PALLD: variants seen among roughly 807,000 people sequenced by gnomAD.
The protein encoded by PALLD is palladin, cytoskeletal associated protein.
Under a neutral mutation model 123.5 loss-of-function variants are expected in PALLD, and 61 were observed. The ratio of observed to expected loss-of-function variants is 0.49; its 90% CI spans 0.40 to 0.61. PALLD has a LOEUF of 0.61. PALLD is among the 20% of genes least tolerant of loss of function. The pLI is 0.00. For synonymous variants in PALLD, 465 were observed against 496.4 expected, an observed-to-expected ratio of 0.94 and a Z score of 0.84; for missense variants, 1,273 against 1,377.0, an observed-to-expected ratio of 0.92 and a Z score of 1.20.
intron 2 of PALLD, among the ~76,000 whole-genome samples, chr4:168,579,958 A>G (rs868348348): frequency 1.3e-5 from 2 of 152,146 alleles, no homozygotes; most frequent in Middle Eastern, 3.4e-3. Flanking sequence ...AATTATAATC[A>G]CCATATTGTC....
At chr4:168,652,925 T>G (rs888488884) in intron 2 of PALLD, among the ~76,000 whole-genome samples, 4 of 152,188 alleles carry the variant, frequency 2.6e-5, no homozygotes, top group African/African-American at 9.7e-5. Context: ...GTGCCATTCT[T>G]TAGTGTTCAG....
rs146335627 is a variant in PALLD, at chr4:168,847,582, G to A, written c.1965-43340G>A. The stretch of plus-strand genomic sequence containing the variant: ...CAAGATTTTATTGGTGTTTTGCCCT[G>A]TGGAGTGGAATTGTATGAGGATTGG... On this transcript the variant is annotated intron_variant, in intron 10 of 21. Coordinates refer to ENST00000505667, the MANE Select transcript of PALLD (RefSeq NM_001166108.2). Among the ~76,000 whole-genome samples, 48 of 152,354 alleles carry A rather than the reference G, an allele frequency of 3.2e-4. No individual in the cohort carries two copies. The East Asian group carries it at 8.3e-3, about 26-fold the overall frequency.
At chr4:168,520,700 A>T (rs6552875) in intron 2 of PALLD, among the ~76,000 whole-genome samples, 112,660 of 152,142 alleles carry the variant, frequency 0.74, 41,941 homozygotes, top group East Asian at 0.86. Context: ...TTGTTTAATG[A>T]CTTGAATATT....
At chr4:168,920,843 T>TAA (rs1761328799) in intron 17 of PALLD, among the ~76,000 whole-genome samples, 1 of 152,216 alleles carries the variant, frequency 6.6e-6, no homozygotes, top group Non-Finnish European at 1.5e-5. Context: ...TGAGAAGCTT[T>TAA]ACAGTACTAT....
intron 2 of PALLD, among the ~76,000 whole-genome samples, chr4:168,535,771 G>A (rs1361904769): frequency 1.3e-5 from 2 of 152,108 alleles, no homozygotes; most frequent in African/African-American, 4.8e-5. Flanking sequence ...CAAATAAAGG[G>A]AACTATAGCC....
chr4:168,539,674 A>T (rs1765427903), intron 2 of PALLD, among the ~76,000 whole-genome samples: 1 of 152,124 alleles, frequency 6.6e-6, no homozygotes, highest in Admixed American at 6.5e-5. Flanking sequence ...TTTCATAGTT[A>T]ATTTATGAAA....
intron 10 of PALLD, among the ~76,000 whole-genome samples, chr4:168,747,140 A>T (rs952357193): frequency 1.3e-5 from 2 of 152,256 alleles, no homozygotes; most frequent in African/African-American, 4.8e-5. Context: ...ACCTAAAAGC[A>T]GATAGCTGTA....
At chr4:168,600,006 T>C (rs564317878) in intron 2 of PALLD, among the ~76,000 whole-genome samples, 18,208 of 128,030 alleles carry the variant, frequency 0.14, 1,438 homozygotes, top group African/African-American at 0.22. Flanking sequence ...CACACACGTA[T>C]ATACATACAT....
chr4:168,512,548 C>A, intron 2 of PALLD, 136 bp downstream of exon 2: 2 of 816,824 alleles, frequency 2.4e-6, no homozygotes, highest in Non-Finnish European at 4.1e-6. Flanking sequence ...GAGAAGCAGC[C>A]CAGAATCGCC....
At chr4:168,599,476 CA>C (rs768574971) in intron 2 of PALLD, among the ~76,000 whole-genome samples, 2 of 151,974 alleles carry the variant, frequency 1.3e-5, no homozygotes, top group Non-Finnish European at 2.9e-5. Flanking sequence ...CACAGACAAA[CA>C]AAACATTTTG....
chr4:168,771,649 G>A (rs546211021), intron 10 of PALLD, among the ~76,000 whole-genome samples: 1 of 152,228 alleles, frequency 6.6e-6, no homozygotes, highest in East Asian at 1.9e-4. Context: ...AACTCTGGGT[G>A]CCCACACCAT....
At chr4:168,675,870 C>T (rs772540139) in intron 3 of PALLD, among the ~76,000 whole-genome samples, 10 of 151,836 alleles carry the variant, frequency 6.6e-5, no homozygotes, top group Non-Finnish European at 1.5e-4. Context: ...GCTGGAGCAA[C>T]ATAGTGAGAC....
Position 168,921,667 on chromosome 4 carries a change from A to G in PALLD, c.2984A>G (p.Asp995Gly), listed in dbSNP as rs1386548111. 1 of 1,610,754 alleles carries G rather than the reference A, an allele frequency of 6.2e-7. No homozygotes were observed. The highest frequency in any genetic ancestry group is 2.2e-5 in the East Asian group (1 of 44,756). The change falls in exon 18 of 22, where the codon GAT (aspartate) becomes GGT (glycine). Residue 995 changes from aspartate (D) to glycine (G), a missense_variant. By Grantham distance (94) the Asp-to-Gly change is moderately conservative. Coordinates refer to ENST00000505667, the MANE Select transcript of PALLD (RefSeq NM_001166108.2). ...ATCATAGAGCCAGTCACGTCACGTG[A>G]TGCCGGCATCTACACATGTATAGCT... is the stretch of plus-strand genomic sequence containing the variant. ...SLIIEPVTSR[D>G]AGIYTCIATN...
intron 2 of PALLD, among the ~76,000 whole-genome samples, chr4:168,652,543 A>G (rs1778159787): frequency 6.6e-6 from 1 of 152,244 alleles, no homozygotes; most frequent in Non-Finnish European, 1.5e-5. Context: ...TAACACAAAC[A>G]TTTTAAAGTT....
intron 10 of PALLD, among the ~76,000 whole-genome samples, chr4:168,836,598 G>A (rs1581701845): frequency 6.6e-6 from 1 of 152,142 alleles, no homozygotes; most frequent in Admixed American, 6.5e-5. Context: ...TGTGAGGTAG[G>A]CCCGCCACAT....
chr4:168,561,265 T>TC (rs1491366667), intron 2 of PALLD, among the ~76,000 whole-genome samples: 2 of 151,864 alleles, frequency 1.3e-5, no homozygotes, highest in African/African-American at 2.4e-5. Flanking sequence ...TCTTTTTTTT[T>TC]CTCTCTCTCT....
intron 3 of PALLD, among the ~76,000 whole-genome samples, chr4:168,670,768 A>C (rs1580864287): frequency 6.0e-5 from 4 of 66,350 alleles, no homozygotes; most frequent in African/African-American, 3.7e-4. Context: ...AAAAAAACAA[A>C]AAAAAACAAA....
intron 10 of PALLD, among the ~76,000 whole-genome samples, chr4:168,779,098 G>A (rs1436238875): frequency 6.6e-6 from 1 of 152,194 alleles, no homozygotes; most frequent in Non-Finnish European, 1.5e-5. Context: ...ATTGATCTAA[G>A]ACAGTTAACT....
At chr4:168,713,202 G>C (rs1019598101) in intron 10 of PALLD, among the ~76,000 whole-genome samples, 2 of 152,182 alleles carry the variant, frequency 1.3e-5, no homozygotes, top group Non-Finnish European at 2.9e-5. Flanking sequence ...ACAATAGTGT[G>C]AAAGGTGCTG....
Sources: gnomAD v4.1 joint callset for allele counts (sites outside exome capture counted in the v4.1 genomes callset) on GRCh38, gnomAD v4.1.1 for gene constraint, MANE v1.5 for transcripts, NCBI Gene and HGNC (gene_info 2026-07-23, HGNC 2026-07-21) for gene names.